Variants in ZNF469 observed in about 807,000 individuals in gnomAD.
ZNF469 encodes zinc finger protein 469.
A neutral mutation model predicts 1.0 loss-of-function variants in ZNF469; 1 was observed. The ratio of observed to expected loss-of-function variants is 1.00; its 90% CI spans 0.35 to 4.73. ZNF469 has a LOEUF of 4.73. Among genes scored for constraint, ZNF469 ranks in the 30% most tolerant of loss-of-function variants. ZNF469 has a pLI of 0.16. For synonymous variants in ZNF469, 2,703 were observed against 2,363.4 expected, an observed-to-expected ratio of 1.14 and a Z score of -4.17; for missense variants, 6,100 against 5,356.3, an observed-to-expected ratio of 1.14 and a Z score of -4.33.
the ZNF469 span, among the ~76,000 whole-genome samples, chr16:88,288,035 A>G: frequency 6.6e-6 from 1 of 152,202 alleles, no homozygotes; most frequent in East Asian, 1.9e-4. Context: ...CAAGACTTTC[A>G]AACACACTAG....
upstream of ZNF469, among the ~76,000 whole-genome samples, chr16:88,379,728 G>C (rs1305989676): frequency 6.6e-6 from 1 of 152,196 alleles, no homozygotes; most frequent in Admixed American, 6.5e-5. Flanking sequence ...CTGCCACTGG[G>C]TTAGTCAAAG....
At chr16:88,328,511 A>G in the ZNF469 span, among the ~76,000 whole-genome samples, 1 of 152,304 alleles carries the variant, frequency 6.6e-6, no homozygotes, top group South Asian at 2.1e-4. Context: ...GCCCCAGTGC[A>G]AGACACCATC....
At chr16:88,398,628 C>G (rs999635630) in intron 1 of ZNF469, among the ~76,000 whole-genome samples, 1 of 130,192 alleles carries the variant, frequency 7.7e-6, no homozygotes, top group Non-Finnish European at 1.6e-5. Flanking sequence ...GATGAAGGGA[C>G]ATATGAGCCA....
the ZNF469 span, among the ~76,000 whole-genome samples, chr16:88,228,238 G>A: frequency 3.3e-5 from 5 of 152,360 alleles, no homozygotes; most frequent in African/African-American, 9.6e-5. Flanking sequence ...ACCCTGCCTC[G>A]CTCCTTGGTG....
At chr16:88,350,801 A>C in the ZNF469 span, among the ~76,000 whole-genome samples, 4 of 152,346 alleles carry the variant, frequency 2.6e-5, no homozygotes, top group East Asian at 7.7e-4. Context: ...GAGGACCCTG[A>C]GCCCAGCAAT....
upstream of ZNF469, among the ~76,000 whole-genome samples, chr16:88,378,423 G>A (rs547253010): frequency 3.3e-5 from 5 of 152,268 alleles, no homozygotes; most frequent in South Asian, 2.1e-4. Flanking sequence ...CCCCGTGATC[G>A]CTGTCCTCTG....
At chr16:88,367,200 C>T in the ZNF469 span, among the ~76,000 whole-genome samples, 1 of 152,164 alleles carries the variant, frequency 6.6e-6, no homozygotes, top group African/African-American at 2.4e-5. Context: ...CAACTGTATA[C>T]CAAGTTCTTA....
chr16:88,130,998 TCTC>T, the ZNF469 span, among the ~76,000 whole-genome samples: 1 of 152,106 alleles, frequency 6.6e-6, no homozygotes, highest in Non-Finnish European at 1.5e-5. Context: ...GGCGTGTGCT[TCTC>T]CTGTTCCTGC....
the ZNF469 span, among the ~76,000 whole-genome samples, chr16:88,329,504 A>C: frequency 6.6e-6 from 1 of 152,178 alleles, no homozygotes; most frequent in African/African-American, 2.4e-5. Flanking sequence ...CTGAGTCAGA[A>C]GGGTGAGGAT....
In ZNF469 at chr16:88,432,984, A is replaced by G. The variant is rs1015021691; in HGVS notation, c.5514A>G (p.Arg1838=). 2 of 1,550,238 alleles carry G rather than the reference A, an allele frequency of 1.3e-6. No homozygotes were observed. The highest frequency in any genetic ancestry group is 2.7e-5 in the African/African-American group (2 of 73,038). ...CTGCCCAGGGACATTCTGCAGGCAG[A>G]GCAGGTGGGCACCTCCACCCCACGG... ...SHAAQGHSAG[R]AGGHLHPTAG... The change falls in exon 3 of 3, where the codon AGA becomes AGG. Residue 1838 remains arginine (R), a synonymous_variant. Coordinates refer to ENST00000565624, the MANE Select transcript of ZNF469 (RefSeq NM_001367624.2).
chr16:88,276,827 A>G, the ZNF469 span, among the ~76,000 whole-genome samples: 3 of 151,858 alleles, frequency 2.0e-5, no homozygotes, highest in African/African-American at 7.2e-5. Flanking sequence ...CCACGCCGAC[A>G]CTTGGTCAGT....
At chr16:88,213,608 C>T in the ZNF469 span, among the ~76,000 whole-genome samples, 7 of 152,176 alleles carry the variant, frequency 4.6e-5, no homozygotes, top group Admixed American at 2.0e-4. Context: ...AATTTCTCTC[C>T]TCATCCTACT....
At chr16:88,334,122 G>A in the ZNF469 span, among the ~76,000 whole-genome samples, 5 of 152,082 alleles carry the variant, frequency 3.3e-5, no homozygotes, top group African/African-American at 7.2e-5. Flanking sequence ...GTCTGTGTCT[G>A]TGTGTGTGCC....
chr16:88,310,805 T>G, the ZNF469 span, among the ~76,000 whole-genome samples: 1 of 152,142 alleles, frequency 6.6e-6, no homozygotes, highest in Non-Finnish European at 1.5e-5. Flanking sequence ...CTGCTTTTTA[T>G]TTTTAATAGG....
At chr16:88,169,174 G>A in the ZNF469 span, among the ~76,000 whole-genome samples, 1 of 152,204 alleles carries the variant, frequency 6.6e-6, no homozygotes, top group African/African-American at 2.4e-5. The surrounding 1 kb of genome is among the most constrained non-coding windows in gnomAD (Gnocchi z 6.1). Context: ...TGACTGCCAT[G>A]AGGCAGAGGG....
the ZNF469 span, among the ~76,000 whole-genome samples, chr16:88,340,550 C>T: frequency 5.3e-5 from 8 of 152,218 alleles, no homozygotes; most frequent in African/African-American, 1.9e-4. Context: ...TTTGATAGGA[C>T]TGGGGAGTGC....
chr16:88,236,174 G>A, the ZNF469 span, among the ~76,000 whole-genome samples: 6 of 152,218 alleles, frequency 3.9e-5, no homozygotes, highest in African/African-American at 1.4e-4. Flanking sequence ...TGTGCTAGAT[G>A]CTAAGCCCAT....
intron 1 of ZNF469, among the ~76,000 whole-genome samples, chr16:88,410,724 C>T (rs938821762): frequency 3.3e-4 from 44 of 132,404 alleles, no homozygotes; most frequent in Admixed American, 3.2e-3. Context: ...TCTATGATGC[C>T]GTTGATGGTG....
At chr16:88,410,847 C>T (rs950617048) in intron 1 of ZNF469, among the ~76,000 whole-genome samples, 4 of 152,112 alleles carry the variant, frequency 2.6e-5, no homozygotes, top group Non-Finnish European at 4.4e-5. Context: ...AGCGATGACC[C>T]GACAGGTGTG....
Sources: allele counts gnomAD v4.1 joint callset (sites outside exome capture counted in the v4.1 genomes callset), GRCh38; gene constraint gnomAD v4.1.1; non-coding constraint Gnocchi (gnomAD v3.1); transcripts MANE v1.5; gene names NCBI Gene and HGNC (gene_info 2026-07-23, HGNC 2026-07-21).